NCAN: variants seen among roughly 807,000 people sequenced by gnomAD.
NCAN encodes the protein neurocan.
In NCAN, 47 loss-of-function variants were observed where a neutral mutation model predicts 121.8. That is an observed-to-expected ratio of 0.39 (90% CI 0.31 to 0.49). NCAN has a LOEUF of 0.49. Among genes scored for constraint, NCAN ranks in the 20% least tolerant of loss-of-function variants. The pLI, the probability that NCAN is intolerant of heterozygous loss-of-function variation, is 0.92. For synonymous variants in NCAN, 633 were observed against 702.0 expected, an observed-to-expected ratio of 0.90 and a Z score of 1.55; for missense variants, 1,517 against 1,773.4, an observed-to-expected ratio of 0.86 and a Z score of 2.60.
intron 13 of NCAN, 45 bp downstream of exon 13, chr19:19,245,502 C>A: frequency 1.3e-6 from 2 of 1,594,956 alleles, no homozygotes; most frequent in South Asian, 2.3e-5. Context: ...CACTTTTGCT[C>A]ACTGGTTCTC....
chr19:19,240,332 G>GCACT (rs537809857), intron 11 of NCAN, among the ~76,000 whole-genome samples: 108 of 151,794 alleles, frequency 7.1e-4, no homozygotes, highest in African/African-American at 2.5e-3. Flanking sequence ...TGGGGAAGGG[G>GCACT]CTGAGTCTTC....
At chr19:19,223,910 AG>A (rs2060825544) in intron 3 of NCAN, 110 bp from the exon 4 acceptor site, 1 of 1,097,638 alleles carries the variant, frequency 9.1e-7, no homozygotes, top group African/African-American at 1.6e-5. Context: ...GCCTGGCGCT[AG>A]GTCTATTATT....
At position 19,249,826 on chromosome 19, in the gene NCAN, A is replaced by G; in HGVS notation, c.3881A>G (p.His1294Arg). Reference protein sequence around the residue: ...HHHHQHHHQHHHHKSRKERRK... With the variant: ...HHHHQHHHQHRHHKSRKERRK... ...CACCACCAACACCACCACCAGCATC[A>G]CCACCACAAATCCCGCAAGGAGCGC... The change falls in exon 15 of 15, where the codon CAC becomes CGC. Residue 1294 changes from histidine (H) to arginine (R), a missense_variant. Coordinates refer to ENST00000252575, the MANE Select transcript of NCAN (RefSeq NM_004386.3). 1 of 1,613,666 alleles carries G rather than the reference A, an allele frequency of 6.2e-7. No homozygotes were observed. Among genetic ancestry groups the G allele is most frequent in the Non-Finnish European group, 8.5e-7 (1 of 1,179,922 alleles).
At chr19:19,243,851 C>G (rs1288558443) in intron 12 of NCAN, among the ~76,000 whole-genome samples, 1 of 151,966 alleles carries the variant, frequency 6.6e-6, no homozygotes, top group African/African-American at 2.4e-5. Context: ...CATGGTGAAA[C>G]CCCATCTCTA....
intron 8 of NCAN, among the ~76,000 whole-genome samples, chr19:19,233,546 G>C (rs1165094201): frequency 6.6e-6 from 1 of 152,182 alleles, no homozygotes. Flanking sequence ...AGTTCAGTCT[G>C]AGGAAGGACT....
chr19:19,221,374 C>A (rs1433481417), intron 3 of NCAN, among the ~76,000 whole-genome samples: 3 of 152,008 alleles, frequency 2.0e-5, no homozygotes, highest in Non-Finnish European at 4.4e-5. Context: ...TCGAGACCAG[C>A]CTGGCCAAGA....
chr19:19,236,549 T>C (rs1433274472), intron 10 of NCAN, among the ~76,000 whole-genome samples: 1 of 152,128 alleles, frequency 6.6e-6, no homozygotes, highest in African/African-American at 2.4e-5. Flanking sequence ...TTTTGGTGTA[T>C]ACTCTCAGGA....
intron 13 of NCAN, among the ~76,000 whole-genome samples, chr19:19,248,334 C>T (rs147090249): frequency 1.3e-5 from 2 of 151,674 alleles, no homozygotes; most frequent in Admixed American, 6.6e-5. Context: ...AATCCCAGCT[C>T]CTCGGGAGGT....
At chr19:19,222,924 T>C (rs566475916) in intron 3 of NCAN, among the ~76,000 whole-genome samples, 76 of 148,784 alleles carry the variant, frequency 5.1e-4, no homozygotes, top group Non-Finnish European at 9.5e-4. Context: ...CTGGCTAACA[T>C]GGTGAAACCC....
In NCAN at chr19:19,244,448, A is replaced by G. The variant is rs375808927; in HGVS notation, c.3493-865A>G. ...TCAGCATCCCGAGTATCTTGGGACT[A>G]CAGGCGCGCACCATCATGCCCGGCT... On this transcript the variant is annotated intron_variant, in intron 12 of 14. Coordinates refer to ENST00000252575, the MANE Select transcript of NCAN (RefSeq NM_004386.3). 2.9e-4 allele frequency among the ~76,000 whole-genome samples: 43 copies of G among 150,754 alleles called. No individual in the cohort carries two copies. The East Asian group carries it at 6.0e-3, about 21-fold the overall frequency.
chr19:19,221,701 G>A (rs1215439004), intron 3 of NCAN, among the ~76,000 whole-genome samples: 1 of 152,102 alleles, frequency 6.6e-6, no homozygotes, highest in African/African-American at 2.4e-5. Flanking sequence ...GTCTGAGCAA[G>A]ATGGTGAGAC....
intron 10 of NCAN, among the ~76,000 whole-genome samples, chr19:19,237,268 G>C (rs2146551035): frequency 6.6e-6 from 1 of 152,186 alleles, no homozygotes; most frequent in East Asian, 1.9e-4. Context: ...GCCAAGGCAG[G>C]CTGATCATGT....
In NCAN at chr19:19,226,618, CT is replaced by C; in HGVS notation, c.1206del (p.Asp403ThrfsTer15). On this transcript the variant is annotated frameshift_variant, in exon 7 of 15. Coordinates refer to ENST00000252575, the MANE Select transcript of NCAN (RefSeq NM_004386.3). LOFTEE classifies it high-confidence loss of function. ...PTLEEEEVVTPDFQEPLVSSG... is the reference protein window; with the variant it reads ...PTLEEEEVVTXDFQEPLVSSG... Reference sequence around the variant, plus strand: ...CTGGAGGAGGAAGAGGTGGTCACCCCTGACTTCCAGGAGCCTCTGGTGTCCA... The same window carrying C: ...CTGGAGGAGGAAGAGGTGGTCACCCCGACTTCCAGGAGCCTCTGGTGTCCA... 6.2e-7 allele frequency: 1 copy of C among 1,613,910 alleles called. No individual in the cohort carries two copies. Among genetic ancestry groups the C allele is most frequent in the Non-Finnish European group, 8.5e-7 (1 of 1,179,996 alleles).
chr19:19,215,429 G>C (rs768701214), intron 1 of NCAN, among the ~76,000 whole-genome samples: 52 of 152,190 alleles, frequency 3.4e-4, no homozygotes, highest in African/African-American at 1.1e-3. Context: ...TGTGAAGTCA[G>C]GAAATGCACT....
In NCAN at chr19:19,225,158, G is replaced by A. The variant is rs751097644; in HGVS notation, c.960G>A (p.Thr320=). The change falls in exon 6 of 15, where the codon ACG becomes ACA. Residue 320 remains threonine (T), a synonymous_variant. Transcript: ENST00000252575. This position sits in a 1 kb window ranked among gnomAD's most constrained non-coding sequence, Gnocchi z 4.0. ...ADGSVRYPIQ[T]PRRRCGGPAP... The stretch of plus-strand genomic sequence containing the variant: ...GCAGCGTGCGCTACCCGATCCAGAC[G>A]CCGCGCCGGCGCTGCGGGGGCCCAG... 6.5e-7 allele frequency: 1 copy of A among 1,529,828 alleles called. No homozygotes were observed. Among genetic ancestry groups the A allele is most frequent in the Admixed American group, 2.0e-5 (1 of 49,164 alleles). 94.8% of individuals were successfully genotyped at this position (1,529,828 alleles called of 1,614,324 possible).
intron 11 of NCAN, among the ~76,000 whole-genome samples, chr19:19,240,289 C>T (rs2060898702): frequency 6.6e-6 from 1 of 151,732 alleles, no homozygotes; most frequent in South Asian, 2.1e-4. Context: ...ATCTCCTTCC[C>T]TCTCCACCTC....
Position 19,241,413 on chromosome 19 carries a change from G to A in NCAN, c.3492+728G>A, listed in dbSNP as rs542733746. 5.9e-5 allele frequency among the ~76,000 whole-genome samples: 9 copies of A among 152,218 alleles called. No homozygotes were observed. The East Asian group carries it at 1.7e-3, about 29-fold the overall frequency. ...ACTGCACTCCAGCCTGGGTGACAGAGCGAGACCCTGTCTCTAAAAACATAT... is the reference window on the plus strand; with the variant it reads ...ACTGCACTCCAGCCTGGGTGACAGAACGAGACCCTGTCTCTAAAAACATAT... On this transcript the variant is annotated intron_variant, in intron 12 of 14. Coordinates refer to ENST00000252575, the MANE Select transcript of NCAN (RefSeq NM_004386.3).
rs2060870898 is a variant in NCAN at position 19,233,825 on chromosome 19, A to G, written c.3056A>G (p.His1019Arg). 1.9e-6 allele frequency: 3 copies of G among 1,613,886 alleles called. No individual in the cohort carries two copies. In the African/African-American group the frequency reaches 4.0e-5, roughly 22 times the overall value. ...CCCTGTGAGAACAACCCTTGTCTTC[A>G]TGGAGGGACATGTAATGCCAATGGC... ...SDPCENNPCLHGGTCNANGTM... is the reference protein window; with the variant it reads ...SDPCENNPCLRGGTCNANGTM... The change falls in exon 9 of 15, where the codon CAT becomes CGT. Residue 1019 changes from histidine (H) to arginine (R), a missense_variant. Transcript: ENST00000252575.
Position 19,228,614 on chromosome 19 carries a change from C to T in NCAN, c.2994C>T (p.Thr998=), listed in dbSNP as rs774040990. 6.2e-7 allele frequency: 1 copy of T among 1,611,778 alleles called. No homozygotes were observed. Among genetic ancestry groups the T allele is most frequent in the Non-Finnish European group, 8.5e-7 (1 of 1,179,218 alleles). Residue 998 remains threonine (T), a synonymous_variant, in exon 8 of 15, where the codon ACC becomes ACT. Coordinates refer to ENST00000252575, the MANE Select transcript of NCAN (RefSeq NM_004386.3). ...GAGAGGAGCCAGCCCTGCCAGGGAC[C>T]CCTATGAATGCAGGTGCGGAGGAGG... ...ASGEEPALPG[T]PMNAGAEEVH...
Sources: allele counts gnomAD v4.1 joint callset (sites outside exome capture counted in the v4.1 genomes callset), GRCh38; gene constraint gnomAD v4.1.1; non-coding constraint Gnocchi (gnomAD v3.1); transcripts MANE v1.5; gene names NCBI Gene and HGNC (gene_info 2026-07-23, HGNC 2026-07-21).